The following SV2B variants were observed in gnomAD, a reference collection of about 807,000 sequenced individuals.
SV2B encodes the protein solute carrier family 22 member B2.
SV2B carries 41 observed loss-of-function variants against 73.9 expected under a neutral mutation model. The ratio of observed to expected loss-of-function variants is 0.56; its 90% CI spans 0.43 to 0.72. The LOEUF (loss-of-function observed/expected upper bound fraction) is 0.72. SV2B is among the 30% of genes least tolerant of loss of function. The pLI, the probability that SV2B is intolerant of heterozygous loss-of-function variation, is 0.00. For missense variants in SV2B, 764 were observed against 857.8 expected, an observed-to-expected ratio of 0.89 and a Z score of 1.37; for synonymous variants, 314 against 314.2, an observed-to-expected ratio of 1.00 and a Z score of 0.01.
chr15:91,204,210 C>G (rs2045558847), intron 1 of SV2B, among the ~76,000 whole-genome samples: 1 of 152,166 alleles, frequency 6.6e-6, no homozygotes, highest in South Asian at 2.1e-4. Flanking sequence ...TTTAGAGCAT[C>G]TCTGTTAGCC....
chr15:91,198,112 T>C (rs2045318428), intron 1 of SV2B, among the ~76,000 whole-genome samples: 1 of 152,292 alleles, frequency 6.6e-6, no homozygotes, highest in African/African-American at 2.4e-5. Context: ...GGTGAATCTC[T>C]GGTGAGGAAA....
chr15:91,126,575 A>G (rs1192644718), intron 1 of SV2B, among the ~76,000 whole-genome samples: 2 of 152,228 alleles, frequency 1.3e-5, no homozygotes, highest in Non-Finnish European at 2.9e-5. Flanking sequence ...CTATAGACAA[A>G]TACCTCGGAT....
chr15:91,141,762 G>C lies in SV2B; in HGVS notation c.-392+41399G>C, dbSNP rs1245581492. On this transcript the variant is annotated intron_variant, in intron 1 of 12. Coordinates refer to ENST00000394232, the MANE Select transcript of SV2B (RefSeq NM_001323032.3). The surrounding 1 kb of genome is among the most constrained non-coding windows in gnomAD (Gnocchi z 4.6). ...TTTGTTTTGTTTTTTTTTTTGGACAGAGGTCACATTTTGGCAACATCTTTT... is the reference window on the plus strand; with the variant it reads ...TTTGTTTTGTTTTTTTTTTTGGACACAGGTCACATTTTGGCAACATCTTTT... 1.3e-5 allele frequency among the ~76,000 whole-genome samples: 2 copies of C among 149,312 alleles called. No homozygotes were observed. The highest frequency in any genetic ancestry group is 4.9e-5 in the African/African-American group (2 of 40,680).
intron 1 of SV2B, among the ~76,000 whole-genome samples, chr15:91,202,111 C>G (rs1031215430): frequency 1.3e-5 from 2 of 152,190 alleles, no homozygotes; most frequent in African/African-American, 2.4e-5. Flanking sequence ...CATGAGATCT[C>G]TCCTCACTTC....
chr15:91,159,173 C>A (rs1046171204), intron 1 of SV2B, among the ~76,000 whole-genome samples: 1 of 152,164 alleles, frequency 6.6e-6, no homozygotes, highest in Non-Finnish European at 1.5e-5. Flanking sequence ...TGACTTGATG[C>A]TGATTTGCCA....
At chr15:91,254,390 C>A (rs1165313458) in intron 4 of SV2B, among the ~76,000 whole-genome samples, 1 of 152,052 alleles carries the variant, frequency 6.6e-6, no homozygotes, top group African/African-American at 2.4e-5. Flanking sequence ...GTGTGTGCCA[C>A]CACACCCAGC....
intron 1 of SV2B, among the ~76,000 whole-genome samples, chr15:91,142,517 C>G (rs937959508): frequency 5.3e-5 from 8 of 152,106 alleles, no homozygotes; most frequent in African/African-American, 1.9e-4. Context: ...GAGAGAAAGA[C>G]TAGATCAGGA....
At chr15:91,212,157 C>T (rs1453643235) in intron 1 of SV2B, among the ~76,000 whole-genome samples, 5 of 152,208 alleles carry the variant, frequency 3.3e-5, no homozygotes, top group Admixed American at 3.3e-4. Context: ...ATTTGTGCAA[C>T]AGCAGAGGCT....
Position 91,261,951 on chromosome 15 carries a change from G to A in SV2B, c.1008+1542G>A, listed in dbSNP as rs781026711. On this transcript the variant is annotated intron_variant, in intron 6 of 12. Coordinates refer to ENST00000394232, the MANE Select transcript of SV2B (RefSeq NM_001323032.3). The surrounding 1 kb of genome is among the most constrained non-coding windows in gnomAD (Gnocchi z 4.7). The stretch of plus-strand genomic sequence containing the variant: ...CCCTACTTCAAATCCATTTTCTCAA[G>A]GAAACCTTCCTGGAGTAACTCCTAC... Among the ~76,000 whole-genome samples, 1 of 152,190 alleles carries A rather than the reference G, an allele frequency of 6.6e-6. No individual in the cohort carries two copies. The highest frequency in any genetic ancestry group is 1.5e-5 in the Non-Finnish European group (1 of 68,028).
At chr15:91,103,793 C>T (rs552160492) in intron 1 of SV2B, among the ~76,000 whole-genome samples, 2 of 152,270 alleles carry the variant, frequency 1.3e-5, no homozygotes, top group South Asian at 2.1e-4. Flanking sequence ...TCCCCGAGTC[C>T]ACCTCAGAAG....
In SV2B at chr15:91,301,099, C is replaced by G. The variant is rs79625977; in HGVS notation, c.*8547C>G. 1 of 152,120 alleles carries G rather than the reference C, an allele frequency of 6.6e-6. No individual in the cohort carries two copies. The highest frequency in any genetic ancestry group is 2.1e-4 in the South Asian group (1 of 4,816). The allele number at this position is 152,120 out of a possible 1,614,324, so 9.4% of individuals were successfully genotyped here. On this transcript the variant is annotated 3_prime_UTR_variant, in exon 13 of 13. Coordinates refer to ENST00000394232, the MANE Select transcript of SV2B (RefSeq NM_001323032.3). This position sits in a 1 kb window ranked among gnomAD's most constrained non-coding sequence, Gnocchi z 4.3. The stretch of plus-strand genomic sequence containing the variant: ...TGGTCCTATGGCTAAGCGGAGGACA[C>G]GGCCACAAGCTGTGAGTCATGAAAA...
At chr15:91,244,935 T>A (rs543315392) in intron 2 of SV2B, among the ~76,000 whole-genome samples, 6 of 152,356 alleles carry the variant, frequency 3.9e-5, no homozygotes, top group African/African-American at 1.2e-4. Flanking sequence ...AAGAAGCTCA[T>A]AATCCTCTCA....
At position 91,107,405 on chromosome 15, in the gene SV2B, C is replaced by T. The variant is rs796201540; in HGVS notation, c.-392+7042C>T. Among the ~76,000 whole-genome samples the T allele has an allele frequency of 3.9e-5, 6 of 151,984 alleles. No homozygotes were observed. In the East Asian group the frequency reaches 5.8e-4, roughly 15 times the overall value. On this transcript the variant is annotated intron_variant, in intron 1 of 12. Coordinates refer to ENST00000394232, the MANE Select transcript of SV2B (RefSeq NM_001323032.3). The stretch of plus-strand genomic sequence containing the variant: ...TTAGCTCACTGCAACCTCTGCCTCC[C>T]GGGTTCAAGCGATTCTCCTGCCTCA...
chr15:91,179,284 A>G (rs1254244414), intron 1 of SV2B, among the ~76,000 whole-genome samples: 1 of 152,022 alleles, frequency 6.6e-6, no homozygotes, highest in African/African-American at 2.4e-5. Context: ...CTGTTCTTTT[A>G]CATTTGCTGA....
At chr15:91,209,107 G>GTTTTTTGTT (rs1441365197) in intron 1 of SV2B, among the ~76,000 whole-genome samples, 2 of 121,952 alleles carry the variant, frequency 1.6e-5, no homozygotes, top group African/African-American at 3.7e-5. Context: ...TGGCAGTACT[G>GTTTTTTGTT]TTTTTTGTTT....
At position 91,193,914 on chromosome 15, in the gene SV2B, C is replaced by T. The variant is rs548231546; in HGVS notation, c.-391-31959C>T. 4.6e-5 allele frequency among the ~76,000 whole-genome samples: 7 copies of T among 152,124 alleles called. No individual in the cohort carries two copies. The East Asian group carries it at 5.8e-4, about 13-fold the overall frequency. On this transcript the variant is annotated intron_variant, in intron 1 of 12. Coordinates refer to ENST00000394232, the MANE Select transcript of SV2B (RefSeq NM_001323032.3). The stretch of plus-strand genomic sequence containing the variant: ...CTAAGTTGTAACCATAAAGGCTCAA[C>T]GTTTTTATCCTCTTTTTGTAGGGCA...
chr15:91,201,459 A>G lies in SV2B; in HGVS notation c.-391-24414A>G, dbSNP rs2045457651. 2.0e-5 allele frequency among the ~76,000 whole-genome samples: 3 copies of G among 152,224 alleles called. No individual in the cohort carries two copies. The South Asian group carries it at 6.2e-4, about 32-fold the overall frequency. ...TGTCTTTCCCAAGGTCACATAGTTA[A>G]TAGCGTCAGAGCTGAGACTCAACTC... On this transcript the variant is annotated intron_variant, in intron 1 of 12. Transcript: ENST00000394232.
At position 91,284,151 on chromosome 15, in the gene SV2B, C is replaced by T. The variant is rs144424299; in HGVS notation, c.1638C>T (p.Ser546=). The T allele has an allele frequency of 5.3e-5, 85 of 1,614,158 alleles. 1 individual carries two copies. The African/African-American group carries it at 7.3e-4, about 14-fold the overall frequency. The stretch of plus-strand genomic sequence containing the variant: ...TTTACCTCGTCAGCTTCCTGGGCAG[C>T]CTGTCTGTCTTACCCGGGAACATCA... ...FLIYLVSFLG[S]LSVLPGNIIS... Residue 546 remains serine (S), a synonymous_variant, in exon 11 of 13, where the codon AGC becomes AGT. Coordinates refer to ENST00000394232, the MANE Select transcript of SV2B (RefSeq NM_001323032.3). The surrounding 1 kb of genome is among the most constrained non-coding windows in gnomAD (Gnocchi z 4.5).
At chr15:91,218,129 C>G (rs1460108362) in intron 1 of SV2B, among the ~76,000 whole-genome samples, 1 of 152,148 alleles carries the variant, frequency 6.6e-6, no homozygotes, top group African/African-American at 2.4e-5. Flanking sequence ...ACATGGGAGC[C>G]TTCAGAAATG....
Sources: gnomAD v4.1 joint callset for allele counts (sites outside exome capture counted in the v4.1 genomes callset) on GRCh38, gnomAD v4.1.1 for gene constraint, Gnocchi (gnomAD v3.1) non-coding constraint, MANE v1.5 for transcripts, NCBI Gene and HGNC (gene_info 2026-07-23, HGNC 2026-07-21) for gene names.